Variants in PCDH15 observed in about 807,000 individuals in gnomAD.
The protein encoded by PCDH15 is protocadherin related 15.
PCDH15 carries 129 observed loss-of-function variants against 178.5 expected under a neutral mutation model. The observed-to-expected ratio is 0.72, with a 90% CI of 0.63 to 0.84. PCDH15 has a LOEUF of 0.84. PCDH15 is among the 40% of genes least tolerant of loss of function. PCDH15 has a pLI of 0.00. For synonymous variants in PCDH15, 800 were observed against 732.0 expected (o/e 1.09, Z -1.50); for missense variants, 2,230 against 2,099.9 (o/e 1.06, Z -1.21).
rs980148672 is a variant in PCDH15 at position 54,511,003 on chromosome 10, G to A, written c.157+16809C>T. Reference sequence around the variant, plus strand: ...ATCCACTTTCAGAGTGATGGTTAGCGTGCTTTCAGTTGGTAGAAGTATAGA... The same window carrying A: ...ATCCACTTTCAGAGTGATGGTTAGCATGCTTTCAGTTGGTAGAAGTATAGA... On this transcript the variant is annotated intron_variant, in intron 3 of 37. Transcript: ENST00000644397. Among the ~76,000 whole-genome samples the A allele has an allele frequency of 3.9e-5, 6 of 152,212 alleles. No homozygotes were observed. The East Asian group carries it at 5.8e-4, about 15-fold the overall frequency.
At chr10:54,834,538 G>A (rs1953281715) in intron 3 of PCDH15, among the ~76,000 whole-genome samples, 1 of 151,496 alleles carries the variant, frequency 6.6e-6, no homozygotes, top group African/African-American at 2.4e-5. Flanking sequence ...CTTACAATAT[G>A]TATGATAGCT....
intron 1 of PCDH15, among the ~76,000 whole-genome samples, chr10:54,722,696 T>A (rs569526167): frequency 1.6e-3 from 239 of 151,810 alleles, no homozygotes; most frequent in Admixed American, 2.6e-3. Context: ...TCAGTAAAAT[T>A]TGAAGACACA....
At chr10:54,013,419 C>T (rs965042894) in intron 20 of PCDH15, among the ~76,000 whole-genome samples, 2 of 152,146 alleles carry the variant, frequency 1.3e-5, no homozygotes, top group African/African-American at 2.4e-5. Flanking sequence ...TAATAGACAT[C>T]TATAGAACTC....
At chr10:55,133,501 A>T (rs546223629) in intron 2 of PCDH15, among the ~76,000 whole-genome samples, 1 of 152,162 alleles carries the variant, frequency 6.6e-6, no homozygotes, top group East Asian at 1.9e-4. Context: ...TTTACAACCC[A>T]TTCATCTCAG....
At chr10:54,402,957 G>C (rs1952123303) in intron 3 of PCDH15, among the ~76,000 whole-genome samples, 1 of 151,986 alleles carries the variant, frequency 6.6e-6, no homozygotes, top group East Asian at 1.9e-4. Flanking sequence ...TGAGCTTAAT[G>C]AGGAAGGCAT....
intron 8 of PCDH15, among the ~76,000 whole-genome samples, chr10:54,295,856 G>A (rs1800473714): frequency 6.6e-6 from 1 of 152,004 alleles, no homozygotes; most frequent in African/African-American, 2.4e-5. Context: ...AGTTAAAAGT[G>A]GTTGGTGGCC....
rs181655448 is a variant in PCDH15, at chr10:53,986,588, A to C, written c.2868+9061T>G. ...GTGGAAACAGACTAAATGTTCATTG[A>C]TGGATGAGTGGATAAAGAAAATGTG... On this transcript the variant is annotated intron_variant, in intron 21 of 37. Transcript: ENST00000644397. Among the ~76,000 whole-genome samples the C allele has an allele frequency of 2.4e-4, 36 of 152,330 alleles. No individual in the cohort carries two copies. In the East Asian group the frequency reaches 5.0e-3, roughly 21 times the overall value.
intron 3 of PCDH15, among the ~76,000 whole-genome samples, chr10:54,413,947 C>G (rs1953944191): frequency 6.6e-6 from 1 of 152,066 alleles, no homozygotes; most frequent in African/African-American, 2.4e-5. Context: ...GATGATTACA[C>G]TGGACATTTG....
Position 53,816,232 on chromosome 10 carries a change from T to C in PCDH15, c.4491+7A>G. On this transcript the variant is annotated splice_region_variant and intron_variant, in intron 35 of 37. Transcript: ENST00000644397. ...AGTGAGGTTGAAAAGAAAATGAAAA[T>C]TGATACCTCTGGTTTAAGAAGAGAG... 3 of 398,688 alleles carry C rather than the reference T, an allele frequency of 7.5e-6. No homozygotes were observed. The highest frequency in any genetic ancestry group is 3.6e-5 in the East Asian group (1 of 28,030). The allele number at this position is 398,688 out of a possible 1,614,324, so 24.7% of individuals were successfully genotyped here. A position where few individuals can be genotyped will look rare whatever the true frequency, so the allele number is the denominator to read the frequency against.
chr10:55,409,871 TAAAA>T (rs1838291143), intron 2 of PCDH15, among the ~76,000 whole-genome samples: 1 of 152,050 alleles, frequency 6.6e-6, no homozygotes, highest in Non-Finnish European at 1.5e-5. Context: ...GCGTACCTAA[TAAAA>T]AAGAGAAATT....
intron 3 of PCDH15, among the ~76,000 whole-genome samples, chr10:54,397,070 A>G (rs1405596596): frequency 1.3e-5 from 2 of 152,104 alleles, no homozygotes; most frequent in Admixed American, 1.3e-4. Context: ...AGATGGCTTT[A>G]ATATTGCCCT....
intron 13 of PCDH15, among the ~76,000 whole-genome samples, chr10:54,155,595 AG>A (rs1371653046): frequency 6.6e-6 from 1 of 152,168 alleles, no homozygotes; most frequent in Non-Finnish European, 1.5e-5. Flanking sequence ...GTCCACCGTC[AG>A]AAAAATAAGC....
chr10:53,889,767 T>C (rs2081423976), intron 26 of PCDH15, among the ~76,000 whole-genome samples: 1 of 152,190 alleles, frequency 6.6e-6, no homozygotes, highest in Non-Finnish European at 1.5e-5. Flanking sequence ...TTAACTGTAA[T>C]ATATTTGTAC....
At chr10:54,839,485 G>C (rs979137423) in intron 3 of PCDH15, among the ~76,000 whole-genome samples, 1 of 151,858 alleles carries the variant, frequency 6.6e-6, no homozygotes, top group African/African-American at 2.4e-5. Context: ...AGAAATAAAG[G>C]AAAAACTGTA....
At chr10:54,873,570 G>T (rs890383068) in intron 3 of PCDH15, among the ~76,000 whole-genome samples, 1 of 143,392 alleles carries the variant, frequency 7.0e-6, no homozygotes, top group African/African-American at 2.7e-5. Context: ...GTATGTGTGT[G>T]TGTGTATATA....
chr10:54,924,709 T>C (rs1837574726), intron 2 of PCDH15, among the ~76,000 whole-genome samples: 1 of 152,206 alleles, frequency 6.6e-6, no homozygotes, highest in South Asian at 2.1e-4. Flanking sequence ...ATGTTGAGCT[T>C]TTTAAAATAT....
intron 2 of PCDH15, among the ~76,000 whole-genome samples, chr10:55,090,704 A>G (rs1842296152): frequency 6.6e-6 from 1 of 152,084 alleles, no homozygotes; most frequent in South Asian, 2.1e-4. Context: ...GCAATGTGAG[A>G]ATCAGAATAA....
intron 2 of PCDH15, among the ~76,000 whole-genome samples, chr10:55,154,100 G>A (rs1838817121): frequency 6.6e-6 from 1 of 152,090 alleles, no homozygotes; most frequent in Non-Finnish European, 1.5e-5. Context: ...ATTTCTGGCA[G>A]AACATTGAAG....
At chr10:54,307,059 T>C (rs1482395082) in intron 8 of PCDH15, among the ~76,000 whole-genome samples, 12 of 8,882 alleles carry the variant, frequency 1.4e-3, no homozygotes, top group East Asian at 3.5e-3. Flanking sequence ...TATATATATA[T>C]ATATATATAT....
Sources: gnomAD v4.1 joint callset for allele counts (sites outside exome capture counted in the v4.1 genomes callset) on GRCh38, gnomAD v4.1.1 for gene constraint, MANE v1.5 for transcripts, NCBI Gene and HGNC (gene_info 2026-07-23, HGNC 2026-07-21) for gene names.